KMT5B: variants seen among roughly 807,000 people sequenced by gnomAD.
KMT5B encodes the protein lysine methyltransferase 5B.
A neutral mutation model predicts 83.2 loss-of-function variants in KMT5B; 10 were observed. The observed-to-expected ratio is 0.12, with a 90% CI of 0.07 to 0.20. KMT5B has a LOEUF of 0.20. Ranked by LOEUF, KMT5B falls within the 10% of genes least tolerant of loss-of-function variation. The pLI is 1.00. For missense variants in KMT5B, 753 were observed against 1,067.2 expected (o/e 0.71, Z 4.10); for synonymous variants, 349 against 388.8 (o/e 0.90, Z 1.20).
intron 1 of KMT5B, among the ~76,000 whole-genome samples, chr11:68,203,801 G>A (rs920758538): frequency 2.0e-5 from 3 of 152,148 alleles, no homozygotes; most frequent in Admixed American, 2.0e-4. Flanking sequence ...TCATTTCCCT[G>A]AATTCACAAT....
At chr11:68,211,694 G>A (rs1860921720) in intron 1 of KMT5B, among the ~76,000 whole-genome samples, 3 of 152,190 alleles carry the variant, frequency 2.0e-5, no homozygotes, top group Admixed American at 2.0e-4. Context: ...ACATTCTCAC[G>A]GGGCCTTTCT....
intron 3 of KMT5B, among the ~76,000 whole-genome samples, chr11:68,183,069 C>T (rs1357850613): frequency 6.6e-6 from 1 of 152,066 alleles, no homozygotes; most frequent in African/African-American, 2.4e-5. Flanking sequence ...GTTTTATATG[C>T]TTCCATATCT....
At chr11:68,212,949 C>G (rs1861132075) in intron 1 of KMT5B, among the ~76,000 whole-genome samples, 189 bp downstream of exon 1, 2 of 144,260 alleles carry the variant, frequency 1.4e-5, no homozygotes, top group South Asian at 4.2e-4. Flanking sequence ...CCCGCGCCGG[C>G]CCCGCACCGG....
chr11:68,194,563 TTA>T (rs1491041431), intron 1 of KMT5B, among the ~76,000 whole-genome samples: 1 of 152,214 alleles, frequency 6.6e-6, no homozygotes, highest in Non-Finnish European at 1.5e-5. Flanking sequence ...TCGTCAAGAC[TTA>T]GATCTTTAAA....
chr11:68,170,895 G>T, intron 9 of KMT5B, 120 bp downstream of exon 9: 1 of 1,111,346 alleles, frequency 9.0e-7, no homozygotes, highest in Non-Finnish European at 1.3e-6. Context: ...CAGCCGCTAT[G>T]CTAAAGAACA....
intron 4 of KMT5B, among the ~76,000 whole-genome samples, chr11:68,178,803 G>A (rs1267921693): frequency 2.6e-5 from 4 of 152,024 alleles, no homozygotes; most frequent in East Asian, 3.9e-4. Flanking sequence ...AAACCTTAGG[G>A]AAATTTTTTT....
intron 3 of KMT5B, among the ~76,000 whole-genome samples, chr11:68,181,068 C>G (rs1454903171): frequency 7.0e-6 from 1 of 142,244 alleles, no homozygotes; most frequent in African/African-American, 2.7e-5. Context: ...TCTACTCTTT[C>G]TTTTTTCTTT....
chr11:68,166,666 A>G (rs770525392), intron 10 of KMT5B: 337 of 1,121,894 alleles, frequency 3.0e-4, no homozygotes, highest in Non-Finnish European at 3.6e-4. Flanking sequence ...TGCAGGACTT[A>G]GCGACATCAT....
Position 68,207,412 on chromosome 11 carries a change from T to TAAAA in KMT5B, c.-77+5725_-77+5726insTTTT, listed in dbSNP as rs1487931249. ...ACACTCAATACTATCATCCCCATTT[T>TAAAA]ACAAATGAGAACAAAACTCAGAGAA... On this transcript the variant is annotated intron_variant, in intron 1 of 10. Transcript: ENST00000304363. Among the ~76,000 whole-genome samples, 3 of 152,164 alleles carry TAAAA rather than the reference T, an allele frequency of 2.0e-5. No individual in the cohort carries two copies. The East Asian group carries it at 5.8e-4, about 29-fold the overall frequency.
At chr11:68,189,793 T>C (rs1857845372) in intron 2 of KMT5B, 124 bp downstream of exon 2, 1 of 896,178 alleles carries the variant, frequency 1.1e-6, no homozygotes, top group African/African-American at 1.7e-5. Flanking sequence ...AAAGACTATA[T>C]TGTTAATTAT....
rs947522604 is a variant in KMT5B at position 68,207,935 on chromosome 11, G to A, written c.-77+5203C>T. On this transcript the variant is annotated intron_variant, in intron 1 of 10. Transcript: ENST00000304363. ...GCTCACTGCAACCTCTGCCTCCCAGGTTCAAGGAATTCTCTGTCTCAGCCT... is the reference window on the plus strand; with the variant it reads ...GCTCACTGCAACCTCTGCCTCCCAGATTCAAGGAATTCTCTGTCTCAGCCT... 3.3e-5 allele frequency among the ~76,000 whole-genome samples: 5 copies of A among 150,778 alleles called. No homozygotes were observed. In the East Asian group the frequency reaches 1.0e-3, roughly 31 times the overall value.
chr11:68,192,851 T>C (rs896509608), intron 1 of KMT5B, among the ~76,000 whole-genome samples: 2 of 152,246 alleles, frequency 1.3e-5, no homozygotes, highest in African/African-American at 4.8e-5. Flanking sequence ...CATCTGGAAA[T>C]GTCTACCTTA....
Position 68,155,351 on chromosome 11 carries a change from T to A in KMT5B, c.*2337A>T, listed in dbSNP as rs1420101680. The stretch of plus-strand genomic sequence containing the variant: ...CTGAGTGCTTGTGCATACCGACTCC[T>A]GAGAGGCAGTGATTTACTACCAAAT... On this transcript the variant is annotated 3_prime_UTR_variant, in exon 11 of 11. Transcript: ENST00000304363. 1 of 152,166 alleles carries A rather than the reference T, an allele frequency of 6.6e-6. No homozygotes were observed. The highest frequency in any genetic ancestry group is 1.5e-5 in the Non-Finnish European group (1 of 68,034). 9.4% of individuals were successfully genotyped at this position (152,166 alleles called of 1,614,324 possible). A position where few individuals can be genotyped will look rare whatever the true frequency, so the allele number is the denominator to read the frequency against.
At position 68,171,362 on chromosome 11, in the gene KMT5B, G is replaced by A; in HGVS notation, c.821-111C>T. 7.3e-7 allele frequency: 1 copy of A among 1,370,266 alleles called. No individual in the cohort carries two copies. Among genetic ancestry groups the A allele is most frequent in the South Asian group, 1.3e-5 (1 of 78,138 alleles). The allele number at this position is 1,370,266 out of a possible 1,614,324, so 84.9% of individuals were successfully genotyped here. A position where few individuals can be genotyped will look rare whatever the true frequency, so the allele number is the denominator to read the frequency against. On this transcript the variant is annotated intron_variant, in intron 7 of 10. Transcript: ENST00000304363. The surrounding 1 kb of genome is among the most constrained non-coding windows in gnomAD (Gnocchi z 5.1). ...CATATAACTTTACAACTTTTGATAG[G>A]AGTTTAGGTCTCAAGTTCAACTAAA...
intron 9 of KMT5B, among the ~76,000 whole-genome samples, chr11:68,167,389 A>G (rs1855410104): frequency 6.6e-6 from 1 of 151,790 alleles, no homozygotes. Flanking sequence ...TAATAAAACA[A>G]CTTGTTATGA....
At chr11:68,212,998 G>GCCCGGC (rs1231895450) in intron 1 of KMT5B, 140 bp downstream of exon 1, 6 of 101,986 alleles carry the variant, frequency 5.9e-5, no homozygotes, top group African/African-American at 7.4e-5. Flanking sequence ...GGCCGCTTGC[G>GCCCGGC]CCCGGCCCCG....
At chr11:68,178,778 G>T (rs571302796) in intron 4 of KMT5B, among the ~76,000 whole-genome samples, 2 of 152,146 alleles carry the variant, frequency 1.3e-5, no homozygotes, top group African/African-American at 2.4e-5. Context: ...ATTAGGGCTG[G>T]TGCAAATGCA....
rs1234509776 is a variant in KMT5B at position 68,156,787 on chromosome 11, A to AT, written c.*900dup. 1.3e-5 allele frequency: 2 copies of AT among 152,636 alleles called. No individual in the cohort carries two copies. Among genetic ancestry groups the AT allele is most frequent in the East Asian group, 1.9e-4 (1 of 5,200 alleles). The allele number at this position is 152,636 out of a possible 1,614,324, so 9.5% of individuals were successfully genotyped here. Reference sequence around the variant, plus strand: ...AACTATTATAAGTTAAAGTGAATAGATTTTTTTAATATTCCTTGTAGCATT... The same window carrying AT: ...AACTATTATAAGTTAAAGTGAATAGATTTTTTTTAATATTCCTTGTAGCATT... On this transcript the variant is annotated 3_prime_UTR_variant, in exon 11 of 11. Transcript: ENST00000304363.
intron 10 of KMT5B, among the ~76,000 whole-genome samples, chr11:68,165,066 T>C (rs1319552599): frequency 2.0e-5 from 3 of 152,246 alleles, no homozygotes; most frequent in Non-Finnish European, 4.4e-5. Context: ...AAGTAGTATA[T>C]TGAGTTCAGT....
Sources: gnomAD v4.1 joint callset for allele counts (sites outside exome capture counted in the v4.1 genomes callset) on GRCh38, gnomAD v4.1.1 for gene constraint, Gnocchi (gnomAD v3.1) non-coding constraint, MANE v1.5 for transcripts, NCBI Gene and HGNC (gene_info 2026-07-23, HGNC 2026-07-21) for gene names.